TLN2: variants seen among roughly 807,000 people sequenced by gnomAD.
TLN2 encodes talin-2.
In TLN2, 118 loss-of-function variants were observed where a neutral mutation model predicts 294.7. That is an observed-to-expected ratio of 0.40 (90% CI 0.34 to 0.47). The LOEUF is 0.47. Among genes scored for constraint, TLN2 ranks in the 20% least tolerant of loss-of-function variants. The pLI is 0.84. For missense variants in TLN2, 3,083 were observed against 3,282.2 expected, an observed-to-expected ratio of 0.94 and a Z score of 1.48; for synonymous variants, 1,431 against 1,304.5, an observed-to-expected ratio of 1.10 and a Z score of -2.09.
At chr15:62,835,026 T>A (rs1331813002) in intron 55 of TLN2, 1 of 152,142 alleles carries the variant, frequency 6.6e-6, no homozygotes, top group East Asian at 1.9e-4. Flanking sequence ...ATCCCTGATG[T>A]GGCCCTTTTA....
intron 51 of TLN2, among the ~76,000 whole-genome samples, chr15:62,809,133 A>G (rs1388340352): frequency 2.0e-5 from 3 of 152,232 alleles, no homozygotes; most frequent in Admixed American, 6.5e-5. Flanking sequence ...TGTAAAAAAT[A>G]AAAAATAGGA....
At chr15:62,658,599 A>G (rs2053482597) in intron 9 of TLN2, among the ~76,000 whole-genome samples, 1 of 152,138 alleles carries the variant, frequency 6.6e-6, no homozygotes, top group African/African-American at 2.4e-5. Flanking sequence ...TGTGCCACAC[A>G]TTGTGAGCCT....
Position 62,673,310 on chromosome 15 carries a change from C to CTTTTTTTTTTTTTTTTTTTT in TLN2, c.789-499_789-498insTTTTTTTTTTTTTTTTTTTT, listed in dbSNP as rs56258541. ...GTTTGCTTTAGATTTTTAGATGTTG[C>CTTTTTTTTTTTTTTTTTTTT]TTTTTTTTTTTTTTTTTTGCAATTT... On this transcript the variant is annotated intron_variant, in intron 9 of 58. Coordinates refer to ENST00000636159, the MANE Select transcript of TLN2 (RefSeq NM_015059.3). Among the ~76,000 whole-genome samples, 131 of 42,900 alleles carry CTTTTTTTTTTTTTTTTTTTT rather than the reference C, an allele frequency of 3.1e-3. 21 individuals are homozygous for CTTTTTTTTTTTTTTTTTTTT. The highest frequency in any genetic ancestry group is 3.4e-3 in the Admixed American group (7 of 2,070). 28.1% of individuals were successfully genotyped at this position (42,900 alleles called of 152,430 possible).
intron 1 of TLN2, among the ~76,000 whole-genome samples, chr15:62,418,596 A>G (rs1404159337): frequency 5.3e-5 from 8 of 152,216 alleles, no homozygotes; most frequent in Non-Finnish European, 1.0e-4. Flanking sequence ...TTGTGTGAGC[A>G]ACAAGGCTGT....
At chr15:62,691,659 C>T (rs759643959) in intron 12 of TLN2, among the ~76,000 whole-genome samples, 3 of 151,730 alleles carry the variant, frequency 2.0e-5, no homozygotes, top group Non-Finnish European at 4.4e-5. Flanking sequence ...TTTTTTAAGA[C>T]ATCCTAGACA....
intron 2 of TLN2, among the ~76,000 whole-genome samples, chr15:62,601,962 G>A (rs544882078): frequency 2.6e-4 from 39 of 152,128 alleles, no homozygotes; most frequent in African/African-American, 8.9e-4. Context: ...TTGTATTTTT[G>A]TTTACTTTCT....
intron 1 of TLN2, among the ~76,000 whole-genome samples, chr15:62,518,890 G>A (rs754143753): frequency 1.3e-5 from 2 of 152,160 alleles, no homozygotes; most frequent in Admixed American, 6.5e-5. Context: ...GAGCCATGGC[G>A]TCCGGCTTGC....
At chr15:62,532,336 A>G (rs1041779627) in intron 1 of TLN2, among the ~76,000 whole-genome samples, 2 of 152,170 alleles carry the variant, frequency 1.3e-5, no homozygotes, top group Admixed American at 6.5e-5. Flanking sequence ...GCTTCAAGCA[A>G]TCTGCCCACC....
intron 9 of TLN2, chr15:62,658,172 T>TAA (rs1555459680): frequency 2.7e-4 from 24 of 87,298 alleles, no homozygotes; most frequent in South Asian, 1.2e-3. Flanking sequence ...AAGAGGAAAG[T>TAA]AAAAAAAAAA....
At chr15:62,795,205 A>G (rs544616480) in intron 46 of TLN2, among the ~76,000 whole-genome samples, 4 of 152,224 alleles carry the variant, frequency 2.6e-5, no homozygotes, top group South Asian at 2.1e-4. Context: ...TGACGGGGCA[A>G]CTAGTTCGGT....
Position 62,708,158 on chromosome 15 carries a change from T to C in TLN2, c.2173-344T>C, listed in dbSNP as rs1242806621. On this transcript the variant is annotated intron_variant, in intron 20 of 58. Transcript: ENST00000636159. The stretch of plus-strand genomic sequence containing the variant: ...GTCTTTGTATCCCAACTCAAAAGAC[T>C]CAATTCAAAGGATCCTAAAATGAAG... Among the ~76,000 whole-genome samples the C allele has an allele frequency of 2.0e-5, 3 of 152,092 alleles. No homozygotes were observed. In the East Asian group the frequency reaches 5.8e-4, roughly 29 times the overall value.
chr15:62,805,916 G>A, intron 51 of TLN2, 131 bp downstream of exon 51: 2 of 1,020,236 alleles, frequency 2.0e-6, no homozygotes, highest in Non-Finnish European at 1.4e-6. Flanking sequence ...AGGGCCAGGG[G>A]TAGTGGCTTA....
At position 62,844,386 on chromosome 15, in the gene TLN2, C is replaced by G. The variant is rs1029363497; in HGVS notation, c.*3776C>G. On this transcript the variant is annotated 3_prime_UTR_variant, in exon 59 of 59. Transcript: ENST00000636159. ...AAAAAGGTTTGGATTCGGCCTCTTC[C>G]TCTGAGCCCACCTCCCAGCCCTCCA... 6.6e-6 allele frequency: 1 copy of G among 152,096 alleles called. No homozygotes were observed. The highest frequency in any genetic ancestry group is 1.5e-5 in the Non-Finnish European group (1 of 68,038). The allele number at this position is 152,096 out of a possible 1,614,324, so 9.4% of individuals were successfully genotyped here.
intron 54 of TLN2, among the ~76,000 whole-genome samples, chr15:62,820,847 T>C (rs751428753): frequency 3.3e-5 from 5 of 152,196 alleles, no homozygotes; most frequent in Non-Finnish European, 7.3e-5. Flanking sequence ...AAAGGAAGAA[T>C]TGGGGCATTT....
At chr15:62,617,976 T>G (rs1433903265) in intron 2 of TLN2, among the ~76,000 whole-genome samples, 1 of 151,306 alleles carries the variant, frequency 6.6e-6, no homozygotes, top group Non-Finnish European at 1.5e-5. Context: ...TTTTTTTTTT[T>G]TTTGTAGAGA....
rs77037230 is a variant in TLN2, at chr15:62,511,084, T to C, written c.-237-78603T>C. Among the ~76,000 whole-genome samples the C allele has an allele frequency of 2.6e-3, 390 of 152,380 alleles. 1 individual carries two copies. The highest frequency in any genetic ancestry group is 4.5e-3 in the Non-Finnish European group (304 of 68,042). Reference sequence around the variant, plus strand: ...CTAAGTCGTCTTTCTGTCTTCACTATGGAGTGACCTCCAGACATTGACCCC... The same window carrying C: ...CTAAGTCGTCTTTCTGTCTTCACTACGGAGTGACCTCCAGACATTGACCCC... On this transcript the variant is annotated intron_variant, in intron 1 of 58. Coordinates refer to ENST00000636159, the MANE Select transcript of TLN2 (RefSeq NM_015059.3).
At chr15:62,634,966 A>G (rs139974274) in intron 3 of TLN2, among the ~76,000 whole-genome samples, 191 of 152,316 alleles carry the variant, frequency 1.3e-3, no homozygotes, top group African/African-American at 3.6e-3. Context: ...TTTATTGTCT[A>G]TGCTAGATGG....
At chr15:62,573,202 G>A (rs547685425) in intron 1 of TLN2, among the ~76,000 whole-genome samples, 23 of 152,052 alleles carry the variant, frequency 1.5e-4, no homozygotes, top group East Asian at 1.2e-3. Flanking sequence ...ACCCCTCACC[G>A]GCTCTTTGAC....
At position 62,697,668 on chromosome 15, in the gene TLN2, C is replaced by G; in HGVS notation, c.1293-20C>G. On this transcript the variant is annotated intron_variant, in intron 14 of 58. Transcript: ENST00000636159. Reference sequence around the variant, plus strand: ...ACATGGCTGGTGTTCTCTCAGTGACCAAACCACTTTTCCCGGCAGGTCCAC... The same window carrying G: ...ACATGGCTGGTGTTCTCTCAGTGACGAAACCACTTTTCCCGGCAGGTCCAC... The G allele has an allele frequency of 6.3e-7, 1 of 1,586,250 alleles. No individual in the cohort carries two copies.
Sources: allele counts gnomAD v4.1 joint callset (sites outside exome capture counted in the v4.1 genomes callset), GRCh38; gene constraint gnomAD v4.1.1; transcripts MANE v1.5; gene names NCBI Gene and HGNC (gene_info 2026-07-23, HGNC 2026-07-21).